Variants in BRCA1 observed in about 807,000 individuals in gnomAD.
BRCA1 encodes BRCA1 DNA repair associated, also known as breast cancer type 1 susceptibility protein.
A neutral mutation model predicts 173.7 loss-of-function variants in BRCA1; 140 were observed. The observed-to-expected ratio is 0.81, with a 90% CI of 0.70 to 0.93. The LOEUF (loss-of-function observed/expected upper bound fraction) is 0.93. BRCA1 is among the 40% of genes least tolerant of loss of function. The pLI is 0.00. For synonymous variants in BRCA1, 662 were observed against 756.0 expected, an observed-to-expected ratio of 0.88 and a Z score of 2.04; for missense variants, 1,983 against 2,172.5, an observed-to-expected ratio of 0.91 and a Z score of 1.73.
upstream of BRCA1, among the ~76,000 whole-genome samples, chr17:43,129,798 G>A (rs1237851783): frequency 1.3e-5 from 2 of 152,148 alleles, no homozygotes; most frequent in Non-Finnish European, 2.9e-5. Flanking sequence ...AAGTTGGAAA[G>A]TGGTATTTCA....
chr17:43,128,452 C>T (rs2055935626), upstream of BRCA1, among the ~76,000 whole-genome samples: 1 of 152,150 alleles, frequency 6.6e-6, no homozygotes, highest in Non-Finnish European at 1.5e-5. Context: ...GTACCACTCA[C>T]CGTGAGGGTC....
At chr17:43,123,457 C>A (rs1418306837) in intron 2 of BRCA1, among the ~76,000 whole-genome samples, 1 of 139,750 alleles carries the variant, frequency 7.2e-6, no homozygotes, top group Non-Finnish European at 1.5e-5. Flanking sequence ...TCAAGTGATT[C>A]TCCTGCCTCA....
At position 43,044,462 on chromosome 17, in the gene BRCA1, C is replaced by T. The variant is rs781708247; in HGVS notation, c.*1216G>A. The T allele has an allele frequency of 3.9e-6, 2 of 509,226 alleles. No individual in the cohort carries two copies. The highest frequency in any genetic ancestry group is 1.5e-5 in the South Asian group (1 of 64,926). 31.5% of individuals were successfully genotyped at this position (509,226 alleles called of 1,614,324 possible). On this transcript the variant is annotated 3_prime_UTR_variant, in exon 23 of 23. Coordinates refer to ENST00000357654, the MANE Select transcript of BRCA1 (RefSeq NM_007294.4). ...CTGGATAATGGGTTTATGAAAAACA[C>T]TTTTTCTTCCTTCAGCAAGCAAAAT...
chr17:43,136,626 AT>A (rs1239230478), intron 1 of BRCA1, among the ~76,000 whole-genome samples: 2 of 152,262 alleles, frequency 1.3e-5, no homozygotes, highest in Admixed American at 1.3e-4. Flanking sequence ...TGGGCAAAGG[AT>A]ATGAGCAGAC....
chr17:43,063,900 C>T lies in BRCA1; in HGVS notation c.5126G>A (p.Gly1709Glu), dbSNP rs786204269. 1 of 1,614,032 alleles carries T rather than the reference C, an allele frequency of 6.2e-7. No homozygotes were observed. Among genetic ancestry groups the T allele is most frequent in the Non-Finnish European group, 8.5e-7 (1 of 1,179,942 alleles). Residue 1709 changes from glycine to glutamate, a missense_variant, in exon 17 of 23, where the codon GGA (glycine) becomes GAA (glutamate). By Grantham distance (98) the Gly-to-Glu change is moderately conservative (BLOSUM62 -2). Coordinates refer to ENST00000357654, the MANE Select transcript of BRCA1 (RefSeq NM_007294.4). ...RTLKYFLGIA[G>E]GKWVVSYFWV... ...GAAATAGCTAACTACCCATTTTCCT[C>T]CCGCAATTCCTAGAAAATATTTCAG...
At chr17:43,125,095 C>A in intron 1 of BRCA1, 176 bp downstream of exon 1, 1 of 450,608 alleles carries the variant, frequency 2.2e-6, no homozygotes. Context: ...CAGCGCTTCC[C>A]TCGCGACCTA....
upstream of BRCA1, among the ~76,000 whole-genome samples, chr17:43,128,107 A>G (rs2055930829): frequency 6.6e-6 from 1 of 151,358 alleles, no homozygotes; most frequent in Admixed American, 6.6e-5. Flanking sequence ...CACGCTGTGG[A>G]AGCTTTGTTC....
rs1555582583 is a variant in BRCA1, at chr17:43,076,525, T to G, written c.4447A>C (p.Ser1483Arg). Reference sequence around the variant, plus strand: ...GGTTCTTTATTTTTACTGGTAGAACTATCTGCAGACACCTCAAACTTGTCA... The same window carrying G: ...GGTTCTTTATTTTTACTGGTAGAACGATCTGCAGACACCTCAAACTTGTCA... The part of the protein sequence containing the change: ...SADKFEVSAD[S>R]STSKNKEPGV... The change falls in exon 13 of 23, where the codon AGT (serine) becomes CGT (arginine). Residue 1483 changes from serine (S) to arginine (R), a missense_variant. Ser to Arg is a moderately radical substitution (Grantham distance 110). Transcript: ENST00000357654. 1.2e-6 allele frequency: 2 copies of G among 1,613,872 alleles called. No homozygotes were observed. The highest frequency in any genetic ancestry group is 1.7e-6 in the Non-Finnish European group (2 of 1,179,894).
chr17:43,080,378 G>A (rs894530578), intron 12 of BRCA1, among the ~76,000 whole-genome samples: 2 of 152,216 alleles, frequency 1.3e-5, no homozygotes, highest in South Asian at 4.1e-4. Context: ...TGTAGTTTTA[G>A]TAGAGATGTG....
chr17:43,088,451 A>C (rs1259705785), intron 11 of BRCA1, among the ~76,000 whole-genome samples: 1 of 151,970 alleles, frequency 6.6e-6, no homozygotes, highest in Admixed American at 6.6e-5. Flanking sequence ...TAACTATTCT[A>C]GGTATCTCAT....
chr17:43,135,256 C>G (rs2056008264), intron 1 of BRCA1, among the ~76,000 whole-genome samples: 1 of 152,216 alleles, frequency 6.6e-6, no homozygotes, highest in South Asian at 2.1e-4. Context: ...TCGGAGCCCC[C>G]TGGCCGATCC....
chr17:43,130,894 A>G (rs184347598), intron 1 of BRCA1, among the ~76,000 whole-genome samples: 2 of 152,238 alleles, frequency 1.3e-5, no homozygotes, highest in African/African-American at 2.4e-5. Flanking sequence ...ATTGCTTTCA[A>G]TTTGCATTGT....
At chr17:43,076,665 T>C (rs1186641548) in intron 12 of BRCA1, 51 bp from the exon 13 acceptor site, 13 of 1,600,962 alleles carry the variant, frequency 8.1e-6, no homozygotes, top group African/African-American at 1.3e-5. Context: ...GTTCTGATAG[T>C]GATAATTCAG....
intron 1 of BRCA1, chr17:43,159,824 C>T: frequency 6.4e-6 from 1 of 156,664 alleles, no homozygotes; most frequent in Non-Finnish European, 1.4e-5. Flanking sequence ...GGGAGAAACA[C>T]CCAAGAATGA....
In BRCA1 at chr17:43,124,046, A is replaced by C. The variant is rs2055727513; in HGVS notation, c.51T>G (p.Ala17=). ...TGGGACACTCTAAGATTTTCTGCAT[A>C]GCATTAATGACATTTTGTACTTCTT... is the stretch of plus-strand genomic sequence containing the variant. The part of the protein sequence containing the change: ...RVEEVQNVIN[A]MQKILECPIC... Residue 17 remains alanine (A), a synonymous_variant, in exon 2 of 23, where the codon GCT becomes GCG. Coordinates refer to ENST00000357654, the MANE Select transcript of BRCA1 (RefSeq NM_007294.4). The C allele has an allele frequency of 6.2e-7, 1 of 1,613,804 alleles. No homozygotes were observed. Among genetic ancestry groups the C allele is most frequent in the Non-Finnish European group, 8.5e-7 (1 of 1,179,722 alleles).
intron 18 of BRCA1, among the ~76,000 whole-genome samples, chr17:43,059,880 T>A (rs1038976828): frequency 1.3e-5 from 2 of 152,100 alleles, no homozygotes; most frequent in African/African-American, 4.8e-5. Context: ...ATTTGCAAAT[T>A]ACTCCAGCTA....
At chr17:43,096,493 AC>A (rs370366788) in intron 8 of BRCA1, among the ~76,000 whole-genome samples, 236 of 151,216 alleles carry the variant, frequency 1.6e-3, no homozygotes, top group African/African-American at 5.4e-3. Flanking sequence ...AATCGCTTGA[AC>A]CAGGGAGTTG....
chr17:43,120,372 CAT>C (rs934802633), intron 2 of BRCA1, among the ~76,000 whole-genome samples: 2 of 152,192 alleles, frequency 1.3e-5, no homozygotes, highest in African/African-American at 4.8e-5. Context: ...CATATTAAGA[CAT>C]AACTGCAAAT....
At chr17:43,067,337 C>T (rs954155163) in intron 16 of BRCA1, 2 of 350,004 alleles carry the variant, frequency 5.7e-6, no homozygotes, top group South Asian at 2.6e-5. Flanking sequence ...TCACTGCAAC[C>T]TCCATCTCCC....
Sources: gnomAD v4.1 joint callset for allele counts (sites outside exome capture counted in the v4.1 genomes callset) on GRCh38, gnomAD v4.1.1 for gene constraint, MANE v1.5 for transcripts, NCBI Gene and HGNC (gene_info 2026-07-23, HGNC 2026-07-21) for gene names.